Variants in IAH1 observed in about 807,000 individuals in gnomAD.
The protein encoded by IAH1 is isoamyl acetate hydrolyzing esterase 1 (putative).
In IAH1, 24 loss-of-function variants were observed where a neutral mutation model predicts 26.7. The observed-to-expected ratio is 0.90, with a 90% CI of 0.65 to 1.26. The LOEUF is 1.26. Among genes scored for constraint, IAH1 ranks in the 50% most tolerant of loss-of-function variants. The pLI is 0.00. For missense variants in IAH1, 300 were observed against 299.9 expected (o/e 1.00, Z 0.00); for synonymous variants, 140 against 118.5 (o/e 1.18, Z -1.18).
At chr2:9,474,501 AC>A, upstream of IAH1, 1 of 1,000,142 alleles carries the variant, frequency 1.0e-6, no homozygotes, top group Non-Finnish European at 1.3e-6. This position sits in a 1 kb window ranked among gnomAD's most constrained non-coding sequence, Gnocchi z 4.3. Context: ...CCCGCAACCC[AC>A]GGGCGGCCAC....
the IAH1 span, among the ~76,000 whole-genome samples, chr2:9,504,816 G>C: frequency 6.6e-6 from 1 of 151,638 alleles, no homozygotes; most frequent in South Asian, 2.1e-4. Context: ...AAACCAAGGA[G>C]CATGCAAGGT....
chr2:9,490,530 T>C (rs1184205117), downstream of IAH1: 2 of 1,602,672 alleles, frequency 1.2e-6, no homozygotes, highest in Admixed American at 3.4e-5. Context: ...TGCAAAGACA[T>C]GGGTTCAATT....
chr2:9,474,333 C>T (rs746308709), upstream of IAH1, among the ~76,000 whole-genome samples: 1 of 152,252 alleles, frequency 6.6e-6, no homozygotes, highest in Non-Finnish European at 1.5e-5. The surrounding 1 kb of genome is among the most constrained non-coding windows in gnomAD (Gnocchi z 4.3). Flanking sequence ...GCTTTTCTTC[C>T]GGGAACCACG....
At chr2:9,510,621 G>A in the IAH1 span, among the ~76,000 whole-genome samples, 337 of 150,172 alleles carry the variant, frequency 2.2e-3, 2 homozygotes, top group African/African-American at 7.7e-3. Context: ...CTGAGATCAC[G>A]CCATTGCACT....
the IAH1 span, among the ~76,000 whole-genome samples, chr2:9,508,820 A>T: frequency 6.6e-6 from 1 of 152,188 alleles, no homozygotes; most frequent in African/African-American, 2.4e-5. Context: ...AGAGAAGGAA[A>T]ATTCAACAGT....
At position 9,488,286 on chromosome 2, in the gene IAH1, A is replaced by G. The variant is rs762298178; in HGVS notation, c.704A>G (p.Glu235Gly). ...LLLPYWRDVA[E>G]AKPELSLLGD... ...CTTCCTTACTGGCGGGATGTAGCAG[A>G]AGCAAAACCTGAATTAAGTCTGCTG... The change falls in exon 6 of 6, where the codon GAA (glutamate) becomes GGA (glycine). Residue 235 changes from glutamate to glycine, a missense_variant. Glu to Gly is a moderately conservative substitution (Grantham distance 98, BLOSUM62 -2). Transcript: ENST00000497473. 3 of 1,612,164 alleles carry G rather than the reference A, an allele frequency of 1.9e-6. No homozygotes were observed. Among genetic ancestry groups the G allele is most frequent in the Non-Finnish European group, 2.5e-6 (3 of 1,179,552 alleles).
At chr2:9,477,038 C>T (rs1331809416) in intron 2 of IAH1, among the ~76,000 whole-genome samples, 14 of 152,188 alleles carry the variant, frequency 9.2e-5, no homozygotes, top group Admixed American at 8.5e-4. Flanking sequence ...CTCGCTACCA[C>T]ACCCAGCCCA....
chr2:9,487,788 TTGTGTGTGTGTGTG>T lies in IAH1; in HGVS notation c.565-326_565-313del, dbSNP rs70948823. Among the ~76,000 whole-genome samples, 244 of 134,026 alleles carry T rather than the reference TTGTGTGTGTGTGTG, an allele frequency of 1.8e-3. 2 individuals are homozygous for T. Among genetic ancestry groups the T allele is most frequent in the East Asian group, 6.3e-3 (27 of 4,304 alleles). 87.9% of individuals were successfully genotyped at this position (134,026 alleles called of 152,430 possible). A position where few individuals can be genotyped will look rare whatever the true frequency, so the allele number is the denominator to read the frequency against. Reference sequence around the variant, plus strand: ...GTTATACCCTCCCTCCCCGGCCTTTTTGTGTGTGTGTGTGTGTGTGTGTGTGTGTGTGTGTGTGT... The same window carrying T: ...GTTATACCCTCCCTCCCCGGCCTTTTTGTGTGTGTGTGTGTGTGTGTGTGT... On this transcript the variant is annotated intron_variant, in intron 5 of 5. Transcript: ENST00000497473.
chr2:9,505,342 T>C, the IAH1 span: 2 of 1,614,162 alleles, frequency 1.2e-6, no homozygotes, highest in East Asian at 4.5e-5. Context: ...TATAGATTGA[T>C]TGTTTACTGC....
chr2:9,500,995 C>T (rs1469426382), downstream of IAH1, among the ~76,000 whole-genome samples: 1 of 152,158 alleles, frequency 6.6e-6, no homozygotes, highest in Non-Finnish European at 1.5e-5. Flanking sequence ...AAAATACACA[C>T]ACACAACAAA....
At chr2:9,490,409 G>A (rs79932015), downstream of IAH1, 1,627 of 1,614,164 alleles carry the variant, frequency 1.0e-3, 16 homozygotes, top group African/African-American at 0.019. Context: ...AGCTGCTGGC[G>A]CCGAAGGGAT....
chr2:9,483,969 A>G (rs1223429224), intron 4 of IAH1, among the ~76,000 whole-genome samples: 1 of 152,214 alleles, frequency 6.6e-6, no homozygotes, highest in Non-Finnish European at 1.5e-5. Context: ...AAGCCGACAA[A>G]TGATTTTGCT....
chr2:9,511,104 T>C, the IAH1 span, among the ~76,000 whole-genome samples: 1 of 152,008 alleles, frequency 6.6e-6, no homozygotes, highest in Non-Finnish European at 1.5e-5. Context: ...ATCACATGTC[T>C]GTTAAAACCT....
At chr2:9,481,652 G>A (rs1473682834) in intron 4 of IAH1, among the ~76,000 whole-genome samples, 1 of 152,162 alleles carries the variant, frequency 6.6e-6, no homozygotes, top group African/African-American at 2.4e-5. Flanking sequence ...AAGGGATTCT[G>A]GCTTTGGATA....
chr2:9,497,980 C>T (rs1444409525), downstream of IAH1, among the ~76,000 whole-genome samples: 1 of 152,058 alleles, frequency 6.6e-6, no homozygotes, highest in Admixed American at 6.6e-5. Flanking sequence ...ATCTCCAATC[C>T]CTATCATATT....
chr2:9,491,199 TAGTG>T (rs758135029), downstream of IAH1: 3 of 1,538,800 alleles, frequency 1.9e-6, no homozygotes, highest in East Asian at 4.5e-5. Flanking sequence ...ACAATTCAGT[TAGTG>T]AGTACTATTT....
the IAH1 span, chr2:9,510,049 G>A: frequency 2.5e-6 from 4 of 1,614,034 alleles, no homozygotes; most frequent in Non-Finnish European, 3.4e-6. Context: ...GTCCTCATTC[G>A]GGGCACATTC....
downstream of IAH1, among the ~76,000 whole-genome samples, chr2:9,498,680 C>T (rs974489259): frequency 6.6e-6 from 1 of 152,220 alleles, no homozygotes. Flanking sequence ...CTTTCATGAG[C>T]ACTGGGCATT....
In IAH1 at chr2:9,481,178, T is replaced by TC. The variant is rs1197198479; in HGVS notation, c.284-102dup. ...TCTTTGTGTCCTTGGTGTTAAACAA[T>TC]CCCCCCAGTGACATCATGAATAACA... On this transcript the variant is annotated intron_variant, in intron 3 of 5. Transcript: ENST00000497473. 4.3e-6 allele frequency: 5 copies of TC among 1,171,894 alleles called. No individual in the cohort carries two copies. The East Asian group carries it at 9.4e-5, about 22-fold the overall frequency. 72.6% of individuals were successfully genotyped at this position (1,171,894 alleles called of 1,614,324 possible). A position where few individuals can be genotyped will look rare whatever the true frequency, so the allele number is the denominator to read the frequency against.
Sources: allele counts gnomAD v4.1 joint callset (sites outside exome capture counted in the v4.1 genomes callset), GRCh38; gene constraint gnomAD v4.1.1; non-coding constraint Gnocchi (gnomAD v3.1); transcripts MANE v1.5; gene names NCBI Gene and HGNC (gene_info 2026-07-23, HGNC 2026-07-21).